The following WWOX variants were observed in gnomAD, a reference collection of about 807,000 sequenced individuals.
The protein encoded by WWOX is WW domain-containing oxidoreductase.
WWOX carries 69 observed loss-of-function variants against 46.2 expected under a neutral mutation model. The ratio of observed to expected loss-of-function variants is 1.49; its 90% CI spans 1.23 to 1.82. WWOX has a LOEUF of 1.82. WWOX is among the 40% of genes most tolerant of loss of function. WWOX has a pLI of 0.00. For synonymous variants in WWOX, 359 were observed against 202.6 expected (o/e 1.77, Z -6.56); for missense variants, 919 against 542.6 (o/e 1.69, Z -6.89).
chr16:78,957,242 G>A (rs917679825), intron 8 of WWOX, among the ~76,000 whole-genome samples: 1 of 152,164 alleles, frequency 6.6e-6, no homozygotes, highest in Non-Finnish European at 1.5e-5. Context: ...GTCCTTTTGT[G>A]TGACGAAATA....
chr16:79,145,898 A>G (rs1031827104), intron 8 of WWOX, among the ~76,000 whole-genome samples: 1 of 152,210 alleles, frequency 6.6e-6, no homozygotes, highest in Non-Finnish European at 1.5e-5. Flanking sequence ...AAATACCTGT[A>G]TTAAAATTAT....
At chr16:78,702,045 A>ATATATATATATATATATATAT (rs1491253055) in intron 8 of WWOX, among the ~76,000 whole-genome samples, 2 of 121,972 alleles carry the variant, frequency 1.6e-5, no homozygotes, top group South Asian at 2.5e-4. Flanking sequence ...ATATATATAT[A>ATATATATATATATATATATAT]AAATAATGCA....
intron 5 of WWOX, among the ~76,000 whole-genome samples, chr16:78,194,744 C>G (rs996899626): frequency 1.3e-5 from 2 of 152,052 alleles, no homozygotes; most frequent in Non-Finnish European, 2.9e-5. Context: ...ACCCTTAACT[C>G]TTCTACTCCT....
At chr16:78,613,056 T>A (rs1320121610) in intron 8 of WWOX, among the ~76,000 whole-genome samples, 1 of 152,062 alleles carries the variant, frequency 6.6e-6, no homozygotes, top group African/African-American at 2.4e-5. Flanking sequence ...TCTTGAGAGT[T>A]TGTAGGAAAC....
intron 8 of WWOX, among the ~76,000 whole-genome samples, chr16:78,680,528 G>T (rs1440485724): frequency 6.6e-6 from 1 of 152,076 alleles, no homozygotes; most frequent in African/African-American, 2.4e-5. Context: ...TCAAAGGAAA[G>T]AAAACAAACA....
intron 5 of WWOX, among the ~76,000 whole-genome samples, chr16:78,335,187 G>C (rs2080859599): frequency 6.6e-6 from 1 of 152,132 alleles, no homozygotes; most frequent in Non-Finnish European, 1.5e-5. Flanking sequence ...TTGTTACATA[G>C]GTAATCATCT....
intron 5 of WWOX, among the ~76,000 whole-genome samples, chr16:78,265,312 T>A (rs1217648145): frequency 6.6e-6 from 1 of 151,836 alleles, no homozygotes; most frequent in African/African-American, 2.4e-5. Context: ...TAATTTCTGT[T>A]GAATGTATGT....
chr16:78,100,309 GGGGTGCCATCATA>G, intron 1 of WWOX: 1 of 994,952 alleles, frequency 1.0e-6, no homozygotes, highest in African/African-American at 1.8e-5. Context: ...CTGGAGTGCA[GGGGTGCCATCATA>G]GCCCACTGTA....
intron 8 of WWOX, among the ~76,000 whole-genome samples, chr16:79,005,637 C>T (rs2047175610): frequency 6.6e-6 from 1 of 152,132 alleles, no homozygotes; most frequent in Non-Finnish European, 1.5e-5. Flanking sequence ...CCACCATCTT[C>T]CTTGTCCATG....
chr16:78,802,793 G>T (rs541114971), intron 8 of WWOX, among the ~76,000 whole-genome samples: 1 of 151,420 alleles, frequency 6.6e-6, no homozygotes, highest in Admixed American at 6.6e-5. Flanking sequence ...GTGGGCGCCT[G>T]TAATCCCAGC....
intron 6 of WWOX, among the ~76,000 whole-genome samples, chr16:78,419,220 T>C (rs1335584651): frequency 2.6e-5 from 4 of 152,150 alleles, no homozygotes; most frequent in Non-Finnish European, 5.9e-5. Context: ...ACTCTGCAAA[T>C]TGTGTACAAA....
At chr16:78,596,524 C>T (rs72803991) in intron 8 of WWOX, among the ~76,000 whole-genome samples, 4,064 of 152,098 alleles carry the variant, frequency 0.027, 78 homozygotes, top group African/African-American at 0.049. Flanking sequence ...TTGGCGAGAT[C>T]GTGACAGGTG....
intron 8 of WWOX, among the ~76,000 whole-genome samples, chr16:78,839,867 C>A (rs934644328): frequency 6.6e-6 from 1 of 152,118 alleles, no homozygotes; most frequent in Non-Finnish European, 1.5e-5. Context: ...TTCCAGTGAC[C>A]TCCCAACCCC....
At chr16:78,672,344 C>G (rs752837836) in intron 8 of WWOX, among the ~76,000 whole-genome samples, 7 of 152,310 alleles carry the variant, frequency 4.6e-5, no homozygotes, top group African/African-American at 1.7e-4. Context: ...TGCTTGTTAA[C>G]TTTGCACTCT....
At chr16:79,021,874 CAGG>C (rs2047540818) in intron 8 of WWOX, among the ~76,000 whole-genome samples, 1 of 152,200 alleles carries the variant, frequency 6.6e-6, no homozygotes, top group African/African-American at 2.4e-5. Flanking sequence ...TATAAAGGAG[CAGG>C]AGGTTTTCTG....
intron 8 of WWOX, among the ~76,000 whole-genome samples, chr16:79,155,945 A>C (rs2050373452): frequency 6.6e-6 from 1 of 152,018 alleles, no homozygotes; most frequent in Non-Finnish European, 1.5e-5. Context: ...CTAAACATCG[A>C]ATGAAGATGA....
At position 78,708,333 on chromosome 16, in the gene WWOX, T is replaced by C. The variant is rs570551410; in HGVS notation, c.1056+275581T>C. Among the ~76,000 whole-genome samples the C allele has an allele frequency of 4.6e-5, 7 of 152,336 alleles. No individual in the cohort carries two copies. In the South Asian group the frequency reaches 1.2e-3, roughly 27 times the overall value. On this transcript the variant is annotated intron_variant, in intron 8 of 8. Transcript: ENST00000566780. The stretch of plus-strand genomic sequence containing the variant: ...TTGGGATATACTTCTAAGAAATGAT[T>C]TGTTGTTTATGTGAAACTCAAATTT...
intron 8 of WWOX, among the ~76,000 whole-genome samples, chr16:78,800,700 C>T (rs1246741701): frequency 6.6e-6 from 1 of 152,170 alleles, no homozygotes; most frequent in Non-Finnish European, 1.5e-5. Context: ...TTCCTGACTT[C>T]AGGCCTCTTT....
chr16:78,626,000 T>C (rs530274289), intron 8 of WWOX, among the ~76,000 whole-genome samples: 3 of 152,010 alleles, frequency 2.0e-5, no homozygotes, highest in African/African-American at 7.2e-5. Context: ...ATATTGTTAT[T>C]ACTTTTTACC....
Sources: gnomAD v4.1 joint callset for allele counts (sites outside exome capture counted in the v4.1 genomes callset) on GRCh38, gnomAD v4.1.1 for gene constraint, MANE v1.5 for transcripts, NCBI Gene and HGNC (gene_info 2026-07-23, HGNC 2026-07-21) for gene names.